The following CACNA1C variants were observed in gnomAD, a reference collection of about 807,000 sequenced individuals.
CACNA1C encodes the protein voltage-dependent L-type calcium channel subunit alpha-1C.
Under a neutral mutation model 229.0 loss-of-function variants are expected in CACNA1C, and 30 were observed. The observed-to-expected ratio is 0.13, with a 90% CI of 0.10 to 0.18. CACNA1C has a LOEUF of 0.18. CACNA1C is among the 10% of genes least tolerant of loss of function. The pLI is 1.00. For missense variants in CACNA1C, 1,658 were observed against 2,845.0 expected (o/e 0.58, Z 9.49); for synonymous variants, 1,114 against 1,132.5 (o/e 0.98, Z 0.33).
intron 3 of CACNA1C, among the ~76,000 whole-genome samples, chr12:2,120,767 G>C (rs988869678): frequency 2.6e-5 from 4 of 151,724 alleles, no homozygotes; most frequent in Non-Finnish European, 2.9e-5. Context: ...TCGCTGCAGC[G>C]AACATCTGTT....
In CACNA1C at chr12:2,686,192, T is replaced by C; in HGVS notation, c.5707T>C (p.Cys1903Arg). The C allele has an allele frequency of 1.2e-6, 2 of 1,613,944 alleles. No individual in the cohort carries two copies. The highest frequency in any genetic ancestry group is 3.3e-4 in the Middle Eastern group (2 of 6,028). The stretch of plus-strand genomic sequence containing the variant: ...TCGAAGGGCCTCCTTCCACCTGGAA[T>C]GTCTGAAGCGACAGAAGGACCGAGG... ...LGRRASFHLECLKRQKDRGGD... is the reference protein window; with the variant it reads ...LGRRASFHLERLKRQKDRGGD... Residue 1903 changes from cysteine (C) to arginine (R), a missense_variant, in exon 45 of 47, where the codon TGT becomes CGT. Physicochemically the swap from Cys to Arg is radical, Grantham distance 180 (BLOSUM62 -3). This residue lies in a region of CACNA1C where 590 missense variants were observed against 700.8 expected (regional missense o/e 0.84). Coordinates refer to ENST00000399655, the MANE Select transcript of CACNA1C (RefSeq NM_000719.7).
Position 2,694,417 on chromosome 12 carries a change from A to G in CACNA1C, c.*3218A>G, listed in dbSNP as rs1312258664. 1.3e-5 allele frequency: 2 copies of G among 152,250 alleles called. No individual in the cohort carries two copies. The highest frequency in any genetic ancestry group is 4.8e-5 in the African/African-American group (2 of 41,468). The allele number at this position is 152,250 out of a possible 1,614,324, so 9.4% of individuals were successfully genotyped here. On this transcript the variant is annotated 3_prime_UTR_variant, in exon 47 of 47. Coordinates refer to ENST00000399655, the MANE Select transcript of CACNA1C (RefSeq NM_000719.7). Reference sequence around the variant, plus strand: ...AAGGGACTTGAAGAAACAACAGTTTAAGGTCTGCAGTTTGGTCAACTTAAT... The same window carrying G: ...AAGGGACTTGAAGAAACAACAGTTTGAGGTCTGCAGTTTGGTCAACTTAAT...
chr12:2,410,367 T>G lies in CACNA1C; in HGVS notation c.478-38609T>G, dbSNP rs1309587356. 6.6e-6 allele frequency among the ~76,000 whole-genome samples: 1 copy of G among 152,164 alleles called. No individual in the cohort carries two copies. The highest frequency in any genetic ancestry group is 1.5e-5 in the Non-Finnish European group (1 of 68,018). Reference sequence around the variant, plus strand: ...GGCCCTTCGTGTCCCACCACCTCCCTTCTCTCTGGAATCACTGTGGCTCTG... The same window carrying G: ...GGCCCTTCGTGTCCCACCACCTCCCGTCTCTCTGGAATCACTGTGGCTCTG... On this transcript the variant is annotated intron_variant, in intron 3 of 46. Transcript: ENST00000399655. The surrounding 1 kb of genome is among the most constrained non-coding windows in gnomAD (Gnocchi z 5.3).
chr12:2,391,599 G>A (rs890858948), intron 3 of CACNA1C, among the ~76,000 whole-genome samples: 5 of 79,732 alleles, frequency 6.3e-5, no homozygotes, highest in Non-Finnish European at 1.7e-4. Context: ...GTGGGCGGGA[G>A]GCAGAGAGGA....
At chr12:2,102,243 T>G (rs1565688962) in intron 1 of CACNA1C, among the ~76,000 whole-genome samples, 1 of 152,210 alleles carries the variant, frequency 6.6e-6, no homozygotes, top group Non-Finnish European at 1.5e-5. Context: ...CAAATTAAAG[T>G]TCTGTAAAAG....
intron 3 of CACNA1C, among the ~76,000 whole-genome samples, 157 bp from the exon 4 acceptor site, chr12:2,448,819 C>T (rs927818724): frequency 2.6e-5 from 4 of 151,804 alleles, no homozygotes; most frequent in Non-Finnish European, 4.4e-5. Context: ...TAGAGCAGGT[C>T]GTGGAGTTGC....
rs992029341 is a variant in CACNA1C at position 2,437,857 on chromosome 12, G to A, written c.478-11119G>A. Among the ~76,000 whole-genome samples the A allele has an allele frequency of 7.4e-4, 112 of 150,710 alleles. 4 individuals carry two copies. The highest frequency in any genetic ancestry group is 4.3e-3 in the East Asian group (21 of 4,922). On this transcript the variant is annotated intron_variant, in intron 3 of 46. Transcript: ENST00000399655. Reference sequence around the variant, plus strand: ...TGGTAATGATGGTGGTGATGATGGTGGTGATGGTGGTGGTAATGGTGGTGG... The same window carrying A: ...TGGTAATGATGGTGGTGATGATGGTAGTGATGGTGGTGGTAATGGTGGTGG...
At chr12:2,006,147 T>C (rs2470410) in intron 1 of CACNA1C, among the ~76,000 whole-genome samples, 82,449 of 151,944 alleles carry the variant, frequency 0.54, 22,811 homozygotes, top group African/African-American at 0.65. Flanking sequence ...CGGTGGCTCC[T>C]GCCTGTAATC....
Position 2,678,451 on chromosome 12 carries a change from G to T in CACNA1C, c.5091+584G>T, listed in dbSNP as rs991757827. On this transcript the variant is annotated intron_variant, in intron 41 of 46. Coordinates refer to ENST00000399655, the MANE Select transcript of CACNA1C (RefSeq NM_000719.7). This position sits in a 1 kb window ranked among gnomAD's most constrained non-coding sequence, Gnocchi z 4.1. ...CAGTTGCAATAGTGAAAATTAAAAC[G>T]GCTGTACCAGAATAAGGGGCGTTTA... Among the ~76,000 whole-genome samples, 4 of 152,150 alleles carry T rather than the reference G, an allele frequency of 2.6e-5. No homozygotes were observed. Among genetic ancestry groups the T allele is most frequent in the African/African-American group, 9.7e-5 (4 of 41,422 alleles).
chr12:2,322,718 G>C (rs373662937), intron 3 of CACNA1C, among the ~76,000 whole-genome samples: 4 of 152,160 alleles, frequency 2.6e-5, no homozygotes, highest in Admixed American at 6.5e-5. Flanking sequence ...CGCGTTGCAC[G>C]GCAGTTATGC....
chr12:2,449,217 T>G, intron 4 of CACNA1C, 102 bp downstream of exon 4: 1 of 837,694 alleles, frequency 1.2e-6, no homozygotes, highest in South Asian at 2.6e-5. Context: ...GCCACAAAGA[T>G]TTAGGCTCGC....
At chr12:2,551,569 G>A (rs1257125924) in intron 10 of CACNA1C, among the ~76,000 whole-genome samples, 1 of 152,162 alleles carries the variant, frequency 6.6e-6, no homozygotes, top group African/African-American at 2.4e-5. Context: ...GATGAGCCAA[G>A]ACTGCCAGCA....
intron 1 of CACNA1C, among the ~76,000 whole-genome samples, chr12:2,072,953 G>C (rs778175261): frequency 1.3e-5 from 2 of 152,106 alleles, no homozygotes; most frequent in Non-Finnish European, 2.9e-5. Context: ...CTAGATACCA[G>C]ACGGACACAG....
At chr12:2,065,796 A>G in intron 1 of CACNA1C, among the ~76,000 whole-genome samples, 1 of 152,188 alleles carries the variant, frequency 6.6e-6, no homozygotes, top group South Asian at 2.1e-4. Context: ...TTCCCAACAG[A>G]AAGGGTGGGA....
At chr12:2,279,689 T>C (rs1292460910) in intron 3 of CACNA1C, among the ~76,000 whole-genome samples, 2 of 152,238 alleles carry the variant, frequency 1.3e-5, no homozygotes, top group Non-Finnish European at 2.9e-5. Flanking sequence ...TATTCTCAGG[T>C]TCTGCACATG....
At position 2,287,307 on chromosome 12, in the gene CACNA1C, C is replaced by T. The variant is rs1355868986; in HGVS notation, c.478-161669C>T. Among the ~76,000 whole-genome samples, 2 of 152,198 alleles carry T rather than the reference C, an allele frequency of 1.3e-5. No individual in the cohort carries two copies. The highest frequency in any genetic ancestry group is 6.5e-5 in the Admixed American group (1 of 15,286). On this transcript the variant is annotated intron_variant, in intron 3 of 46. Coordinates refer to ENST00000399655, the MANE Select transcript of CACNA1C (RefSeq NM_000719.7). This position sits in a 1 kb window ranked among gnomAD's most constrained non-coding sequence, Gnocchi z 4.6. ...TTCCTGCTCGTCTGGATTGTGATTG[C>T]GACCCGTGCCTCATGGAGTGTCGCT...
chr12:2,683,681 A>T (rs2097292158), intron 43 of CACNA1C, among the ~76,000 whole-genome samples: 1 of 152,008 alleles, frequency 6.6e-6, no homozygotes, highest in African/African-American at 2.4e-5. Flanking sequence ...TGCTCCTTGG[A>T]TGGACACTTT....
Position 2,585,970 on chromosome 12 carries a change from C to A in CACNA1C, c.2530+66C>A. 1 of 979,862 alleles carries A rather than the reference C, an allele frequency of 1.0e-6. No individual in the cohort carries two copies. The highest frequency in any genetic ancestry group is 1.5e-6 in the Non-Finnish European group (1 of 657,552). 60.7% of individuals were successfully genotyped at this position (979,862 alleles called of 1,614,324 possible). On this transcript the variant is annotated intron_variant, in intron 18 of 46. Transcript: ENST00000399655. This position sits in a 1 kb window ranked among gnomAD's most constrained non-coding sequence, Gnocchi z 4.1. Reference sequence around the variant, plus strand: ...GGCAGAGATCTAAATTCTAAAGCCACGTGGGAGTGGCCATATATTAGGGAC... The same window carrying A: ...GGCAGAGATCTAAATTCTAAAGCCAAGTGGGAGTGGCCATATATTAGGGAC...
intron 3 of CACNA1C, among the ~76,000 whole-genome samples, chr12:2,273,066 G>T (rs2085854471): frequency 6.6e-6 from 1 of 152,126 alleles, no homozygotes; most frequent in South Asian, 2.1e-4. Context: ...TCTAAATACA[G>T]TTGTCCCTTG....
Sources: gnomAD v4.1 joint callset for allele counts (sites outside exome capture counted in the v4.1 genomes callset) on GRCh38, gnomAD v4.1.1 for gene constraint, gnomAD v4.1.1 regional missense constraint, Gnocchi (gnomAD v3.1) non-coding constraint, MANE v1.5 for transcripts, NCBI Gene and HGNC (gene_info 2026-07-23, HGNC 2026-07-21) for gene names.